The following CFAP92 variants were observed in gnomAD, a reference collection of about 807,000 sequenced individuals.
The protein encoded by CFAP92 is cilia and flagella associated protein 92 (putative), also known as uncharacterized protein CFAP92.
A neutral mutation model predicts 106.3 loss-of-function variants in CFAP92; 86 were observed. That is an observed-to-expected ratio of 0.81 (90% confidence interval 0.68 to 0.97). CFAP92 has a LOEUF of 0.97. CFAP92 is among the 50% of genes least tolerant of loss of function. The pLI is 0.00. For missense variants in CFAP92, 1,204 were observed against 1,283.8 expected, an observed-to-expected ratio of 0.94 and a Z score of 0.95; for synonymous variants, 477 against 506.4, an observed-to-expected ratio of 0.94 and a Z score of 0.78.
intron 8 of CFAP92, chr3:128,970,420 A>G (rs771959939): frequency 1.3e-5 from 2 of 152,028 alleles, no homozygotes; most frequent in Non-Finnish European, 2.9e-5. Flanking sequence ...AGAAAAGACC[A>G]ACGCACGCGC....
At chr3:129,005,789 GC>G (rs1945049214), upstream of CFAP92, among the ~76,000 whole-genome samples, 1 of 152,270 alleles carries the variant, frequency 6.6e-6, no homozygotes, top group Admixed American at 6.5e-5. Context: ...CAGACTCTGG[GC>G]CAGCCTCCTG....
intron 11 of CFAP92, among the ~76,000 whole-genome samples, chr3:128,934,638 C>A (rs905299302): frequency 6.6e-6 from 1 of 152,144 alleles, no homozygotes; most frequent in Non-Finnish European, 1.5e-5. Flanking sequence ...TCAAGAGATT[C>A]TCCTGCCTCA....
chr3:129,013,574 C>G, the CFAP92 span, among the ~76,000 whole-genome samples: 2 of 152,194 alleles, frequency 1.3e-5, no homozygotes, highest in African/African-American at 4.8e-5. Flanking sequence ...TCCTATCCTC[C>G]CAATCACCCC....
chr3:128,938,556 C>T (rs1017649810), intron 10 of CFAP92, among the ~76,000 whole-genome samples: 4 of 150,296 alleles, frequency 2.7e-5, no homozygotes, highest in East Asian at 2.0e-4. Flanking sequence ...TACAGTGGCG[C>T]GATCTCGGCT....
chr3:129,006,948 C>G (rs1163854881), upstream of CFAP92, among the ~76,000 whole-genome samples: 1 of 152,228 alleles, frequency 6.6e-6, no homozygotes, highest in Non-Finnish European at 1.5e-5. Context: ...TGAGCATCAA[C>G]TGCATACCAG....
At chr3:129,016,510 A>G in the CFAP92 span, among the ~76,000 whole-genome samples, 7 of 147,942 alleles carry the variant, frequency 4.7e-5, no homozygotes, top group South Asian at 1.7e-3. Flanking sequence ...CCGTGTCTAG[A>G]GCCTCTGGGG....
the CFAP92 span, among the ~76,000 whole-genome samples, chr3:129,019,763 A>ATTT: frequency 1.8e-5 from 2 of 113,010 alleles, no homozygotes; most frequent in Non-Finnish European, 3.9e-5. Context: ...GATTAAATTT[A>ATTT]CTTTTTTTTT....
the CFAP92 span, among the ~76,000 whole-genome samples, chr3:129,023,949 G>A: frequency 6.6e-6 from 1 of 152,176 alleles, no homozygotes; most frequent in Non-Finnish European, 1.5e-5. Flanking sequence ...CAATCCAAGA[G>A]CAGGTGAATA....
chr3:128,975,107 G>A (rs770159490), intron 7 of CFAP92, among the ~76,000 whole-genome samples: 20 of 151,920 alleles, frequency 1.3e-4, no homozygotes, highest in Admixed American at 4.6e-4. Flanking sequence ...GTGACAGAGT[G>A]AGACTCCATC....
At chr3:128,929,056 C>T (rs1047922853) in intron 12 of CFAP92, among the ~76,000 whole-genome samples, 1 of 152,084 alleles carries the variant, frequency 6.6e-6, no homozygotes, top group Admixed American at 6.6e-5. Context: ...CCAAGGGGTT[C>T]AAGACCAGCC....
intron 4 of CFAP92, among the ~76,000 whole-genome samples, chr3:128,980,950 T>G (rs893842970): frequency 6.6e-6 from 1 of 152,142 alleles, no homozygotes; most frequent in African/African-American, 2.4e-5. Flanking sequence ...AAACTCCTGT[T>G]AATGTTGATG....
intron 1 of CFAP92, chr3:129,001,872 C>T: frequency 6.5e-7 from 1 of 1,546,158 alleles, no homozygotes; most frequent in Non-Finnish European, 8.7e-7. Flanking sequence ...CTTCCGAGCG[C>T]TCTGCGCTGT....
At chr3:128,999,902 C>A (rs962997050) in intron 1 of CFAP92, among the ~76,000 whole-genome samples, 1 of 152,252 alleles carries the variant, frequency 6.6e-6, no homozygotes, top group African/African-American at 2.4e-5. Flanking sequence ...TGTCTCCCAT[C>A]TGCAGAAAGA....
At chr3:128,969,815 C>G (rs1942652640) in intron 8 of CFAP92, 1 of 152,264 alleles carries the variant, frequency 6.6e-6, no homozygotes. Context: ...GCTGGAGGGT[C>G]AGGCTGGAGC....
At chr3:128,922,930 G>T (rs1457900330) in intron 12 of CFAP92, among the ~76,000 whole-genome samples, 1 of 152,208 alleles carries the variant, frequency 6.6e-6, no homozygotes, top group Non-Finnish European at 1.5e-5. Flanking sequence ...AGAAGGATAA[G>T]CTTCGATTTG....
At chr3:128,912,769 C>T in intron 15 of CFAP92, 1 of 762,902 alleles carries the variant, frequency 1.3e-6, no homozygotes, top group Non-Finnish European at 2.4e-6. Flanking sequence ...GAGCCTCTTC[C>T]AGGTTTTGAC....
rs542303712 is a variant in CFAP92, at chr3:128,965,087, C to A, written c.1353+424G>T. On this transcript the variant is annotated intron_variant, in intron 9 of 15. Coordinates refer to ENST00000645291, the MANE Select transcript of CFAP92 (RefSeq NM_001394090.1). ...ACTGCCTTAACTGATGACATTCCAC[C>A]ATTGTGATTTGTTCCTGCCCCACCC... Among the ~76,000 whole-genome samples the A allele has an allele frequency of 1.0e-3, 154 of 152,286 alleles. 1 individual carries two copies. The highest frequency in any genetic ancestry group is 3.6e-3 in the African/African-American group (151 of 41,548).
chr3:129,015,304 A>G, the CFAP92 span, among the ~76,000 whole-genome samples: 133 of 150,748 alleles, frequency 8.8e-4, no homozygotes, highest in African/African-American at 2.4e-3. Context: ...CCAGACCCCA[A>G]CTCTTTAGGG....
At chr3:128,956,620 C>T (rs997966126) in intron 9 of CFAP92, among the ~76,000 whole-genome samples, 1 of 151,964 alleles carries the variant, frequency 6.6e-6, no homozygotes, top group African/African-American at 2.4e-5. Context: ...ATTTGAATGA[C>T]AGCAGATTTC....
Sources: allele counts gnomAD v4.1 joint callset (sites outside exome capture counted in the v4.1 genomes callset), GRCh38; gene constraint gnomAD v4.1.1; transcripts MANE v1.5; gene names NCBI Gene and HGNC (gene_info 2026-07-23, HGNC 2026-07-21).